Variants in DCAF11 observed in about 807,000 individuals in gnomAD.
DCAF11 encodes DDB1 and CUL4 associated factor 11.
A neutral mutation model predicts 76.1 loss-of-function variants in DCAF11; 44 were observed. The observed-to-expected ratio is 0.58, with a 90% CI of 0.45 to 0.74. The LOEUF (loss-of-function observed/expected upper bound fraction) is 0.74. DCAF11 is among the 30% of genes least tolerant of loss of function. DCAF11 has a pLI of 0.00. For synonymous variants in DCAF11, 258 were observed against 255.0 expected, an observed-to-expected ratio of 1.01 and a Z score of -0.11; for missense variants, 604 against 709.4, an observed-to-expected ratio of 0.85 and a Z score of 1.69.
chr14:24,119,575 C>G lies in DCAF11; in HGVS notation c.865C>G (p.Leu289Val). Reference sequence around the variant, plus strand: ...CCCTTTCAGGGCCAATGATGGCTGCCTGTATGTCTTTGACCGAGAACAGAA... The same window carrying G: ...CCCTTTCAGGGCCAATGATGGCTGCGTGTATGTCTTTGACCGAGAACAGAA... ...EVLGGANDGC[L>V]YVFDREQNRR... The change falls in exon 10 of 15, where the codon CTG becomes GTG. Residue 289 changes from leucine to valine, a missense_variant. Physicochemically the swap from Leu to Val is conservative, Grantham distance 32. Transcript: ENST00000446197. 1 of 1,614,224 alleles carries G rather than the reference C, an allele frequency of 6.2e-7. No individual in the cohort carries two copies. The highest frequency in any genetic ancestry group is 8.5e-7 in the Non-Finnish European group (1 of 1,180,050).
chr14:24,121,318 C>T, intron 12 of DCAF11, 47 bp from the exon 13 acceptor site: 2 of 1,611,164 alleles, frequency 1.2e-6, no homozygotes, highest in Non-Finnish European at 1.7e-6. Flanking sequence ...CGAAACAATC[C>T]CAAAGCAGAT....
Position 24,123,567 on chromosome 14 carries a change from G to GGA in DCAF11, c.*259_*260insAG. On this transcript the variant is annotated 3_prime_UTR_variant, in exon 15 of 15. Transcript: ENST00000446197. ...GCAGGACTGCCATTATCTGGGGTGT[G>GGA]GCCTCTGCCAGCAAGAGAAGTGTCC... 2.3e-6 allele frequency: 1 copy of GGA among 442,910 alleles called. No individual in the cohort carries two copies. The allele number at this position is 442,910 out of a possible 1,614,324, so 27.4% of individuals were successfully genotyped here.
rs2037617036 is a variant in DCAF11 at position 24,118,094 on chromosome 14, T to C, written c.516T>C (p.Ser172=). ...ATCTGGGCTTCACTGATAGCTACTC[T>C]CAGAAGGCTTTCTGTGGCATCTACA... ...PNDLGFTDSY[S]QKAFCGIYSK... The change falls in exon 6 of 15, where the codon TCT becomes TCC. Residue 172 remains serine (S), a synonymous_variant. Transcript: ENST00000446197. 1 of 1,612,774 alleles carries C rather than the reference T, an allele frequency of 6.2e-7. No individual in the cohort carries two copies. Among genetic ancestry groups the C allele is most frequent in the Non-Finnish European group, 8.5e-7 (1 of 1,179,666 alleles).
In DCAF11 at chr14:24,117,057, G is replaced by A; in HGVS notation, c.283+13G>A. The A allele has an allele frequency of 1.2e-6, 2 of 1,614,158 alleles. No individual in the cohort carries two copies. Among genetic ancestry groups the A allele is most frequent in the Non-Finnish European group, 1.7e-6 (2 of 1,180,012 alleles). On this transcript the variant is annotated intron_variant, in intron 3 of 14. Coordinates refer to ENST00000446197, the MANE Select transcript of DCAF11 (RefSeq NM_025230.5). The surrounding 1 kb of genome is among the most constrained non-coding windows in gnomAD (Gnocchi z 4.3). Reference sequence around the variant, plus strand: ...TACAACCCACCTGGTAAGAGGAAAAGCCCCTAATGTTGGAAGACTTTTACT... The same window carrying A: ...TACAACCCACCTGGTAAGAGGAAAAACCCCTAATGTTGGAAGACTTTTACT...
At position 24,117,815 on chromosome 14, in the gene DCAF11, G is replaced by A. The variant is rs1168097523; in HGVS notation, c.476+83G>A. On this transcript the variant is annotated intron_variant, in intron 5 of 14. Transcript: ENST00000446197. The surrounding 1 kb of genome is among the most constrained non-coding windows in gnomAD (Gnocchi z 4.3). The stretch of plus-strand genomic sequence containing the variant: ...CTTTGAAGGGGTAGGTGTTAAAGGA[G>A]CCTCAGAGATATTAAAGGTTAGGTT... The A allele has an allele frequency of 3.6e-6, 5 of 1,400,910 alleles. No individual in the cohort carries two copies. Among genetic ancestry groups the A allele is most frequent in the Non-Finnish European group, 4.9e-6 (5 of 1,010,722 alleles). 86.8% of individuals were successfully genotyped at this position (1,400,910 alleles called of 1,614,324 possible). A position where few individuals can be genotyped will look rare whatever the true frequency, so the allele number is the denominator to read the frequency against.
At chr14:24,118,910 T>C in intron 8 of DCAF11, 106 bp downstream of exon 8, 3 of 1,337,960 alleles carry the variant, frequency 2.2e-6, no homozygotes, top group Non-Finnish European at 3.2e-6. Context: ...AAAAGTATAC[T>C]GGTGGGTCTG....
At chr14:24,118,959 G>C (rs1280919153) in intron 8 of DCAF11, 155 bp downstream of exon 8, 1 of 1,128,040 alleles carries the variant, frequency 8.9e-7, no homozygotes, top group Non-Finnish European at 1.3e-6. Context: ...TTGTCAGCCA[G>C]AGGACTGGGT....
rs765034018 is a variant in DCAF11 at position 24,121,370 on chromosome 14, C to T, written c.1252C>T (p.Arg418Trp). 7.4e-6 allele frequency: 12 copies of T among 1,614,054 alleles called. No individual in the cohort carries two copies. Among genetic ancestry groups the T allele is most frequent in the African/African-American group, 4.0e-5 (3 of 74,924 alleles). Reference sequence around the variant, plus strand: ...TACTCTGCATCCCTACCCAGCCTGGCGGAAGCTGAAGCTCCCAGGGGACAG... The same window carrying T: ...TACTCTGCATCCCTACCCAGCCTGGTGGAAGCTGAAGCTCCCAGGGGACAG... The part of the protein sequence containing the change: ...RWQQVPKKAW[R>W]KLKLPGDSSL... Residue 418 changes from arginine (R) to tryptophan (W), a missense_variant, in exon 13 of 15, where the codon CGG (arginine) becomes TGG (tryptophan). Physicochemically the swap from Arg to Trp is moderately radical, Grantham distance 101. Transcript: ENST00000446197.
intron 13 of DCAF11, 86 bp downstream of exon 13, chr14:24,121,603 A>T: frequency 6.8e-7 from 1 of 1,477,352 alleles, no homozygotes; most frequent in Non-Finnish European, 9.2e-7. Context: ...TGACCACCTT[A>T]AAAAGCCCAG....
chr14:24,118,962 G>T, intron 8 of DCAF11, 158 bp downstream of exon 8: 1 of 1,127,948 alleles, frequency 8.9e-7, no homozygotes, highest in East Asian at 2.4e-5. Flanking sequence ...TCAGCCAGAG[G>T]ACTGGGTAAA....
At chr14:24,118,230 A>G in intron 6 of DCAF11, 75 bp downstream of exon 6, 1 of 1,562,992 alleles carries the variant, frequency 6.4e-7, no homozygotes, top group South Asian at 1.1e-5. Context: ...CTAGAAAGCC[A>G]CAGACGGGGA....
At chr14:24,118,926 A>C (rs1004264396) in intron 8 of DCAF11, 122 bp downstream of exon 8, 1 of 1,234,152 alleles carries the variant, frequency 8.1e-7, no homozygotes, top group Non-Finnish European at 1.2e-6. Flanking sequence ...GTCTGTGTGC[A>C]TTCCTGGGAG....
chr14:24,117,059 C>T lies in DCAF11; in HGVS notation c.283+15C>T, dbSNP rs2037593996. Reference sequence around the variant, plus strand: ...CAACCCACCTGGTAAGAGGAAAAGCCCCTAATGTTGGAAGACTTTTACTAG... The same window carrying T: ...CAACCCACCTGGTAAGAGGAAAAGCTCCTAATGTTGGAAGACTTTTACTAG... On this transcript the variant is annotated intron_variant, in intron 3 of 14. Transcript: ENST00000446197. The surrounding 1 kb of genome is among the most constrained non-coding windows in gnomAD (Gnocchi z 4.3). 1.9e-6 allele frequency: 3 copies of T among 1,613,856 alleles called. No homozygotes were observed. The highest frequency in any genetic ancestry group is 1.7e-5 in the Admixed American group (1 of 59,962).
chr14:24,119,648 T>G, intron 10 of DCAF11, 32 bp downstream of exon 10: 1 of 1,614,212 alleles, frequency 6.2e-7, no homozygotes, highest in Non-Finnish European at 8.5e-7. Flanking sequence ...CTCTGCCTCC[T>G]GGTTTTTGGC....
In DCAF11 at chr14:24,117,086, A is replaced by C. The variant is rs374124611; in HGVS notation, c.283+42A>C. 1.5e-5 allele frequency: 24 copies of C among 1,613,666 alleles called. No individual in the cohort carries two copies. Among genetic ancestry groups the C allele is most frequent in the Admixed American group, 1.7e-5 (1 of 59,898 alleles). On this transcript the variant is annotated intron_variant, in intron 3 of 14. Transcript: ENST00000446197. This position sits in a 1 kb window ranked among gnomAD's most constrained non-coding sequence, Gnocchi z 4.3. ...CTAATGTTGGAAGACTTTTACTAGA[A>C]AACCTTTTAGTGATATTTTGAATGA...
chr14:24,118,326 T>G (rs2139015268), intron 6 of DCAF11, 62 bp from the exon 7 acceptor site: 10 of 1,608,812 alleles, frequency 6.2e-6, no homozygotes, highest in Non-Finnish European at 7.6e-6. Context: ...GTGGGAGATG[T>G]CTAATCTAGA....
In DCAF11 at chr14:24,119,190, A is replaced by T. The variant is rs774152881; in HGVS notation, c.825A>T (p.Ser275=). 2.5e-6 allele frequency: 4 copies of T among 1,614,192 alleles called. No homozygotes were observed. The highest frequency in any genetic ancestry group is 3.4e-6 in the Non-Finnish European group (4 of 1,180,014). Residue 275 remains serine, a synonymous_variant, in exon 9 of 15, where the codon TCA becomes TCT. Coordinates refer to ENST00000446197, the MANE Select transcript of DCAF11 (RefSeq NM_025230.5). ...RFAVFSIAVS[S]DGREVLGGAN... ...CTGTCTTCTCCATTGCTGTCTCCTCAGATGGACGAGAAGTACTAGGAGGGT... is the reference window on the plus strand; with the variant it reads ...CTGTCTTCTCCATTGCTGTCTCCTCTGATGGACGAGAAGTACTAGGAGGGT...
rs1432069362 is a variant in DCAF11, at chr14:24,115,505, G to C, written c.-90G>C. ...TACTACCCCGTCTCAGGAGACCCTG[G>C]TATTTCTAGAGCACGCTTTGCTTTC... On this transcript the variant is annotated 5_prime_UTR_variant, in exon 2 of 15. Coordinates refer to ENST00000446197, the MANE Select transcript of DCAF11 (RefSeq NM_025230.5). 1 of 1,508,684 alleles carries C rather than the reference G, an allele frequency of 6.6e-7. No individual in the cohort carries two copies. The highest frequency in any genetic ancestry group is 1.4e-5 in the African/African-American group (1 of 71,596). 93.5% of individuals were successfully genotyped at this position (1,508,684 alleles called of 1,614,324 possible).
chr14:24,121,313 CA>C (rs748228385), intron 12 of DCAF11, 51 bp from the exon 13 acceptor site: 120 of 1,609,098 alleles, frequency 7.5e-5, no homozygotes, highest in Non-Finnish European at 9.7e-5. Context: ...TGGTACGAAA[CA>C]ATCCCAAAGC....
Sources: gnomAD v4.1 joint callset for allele counts on GRCh38, gnomAD v4.1.1 for gene constraint, Gnocchi (gnomAD v3.1) non-coding constraint, MANE v1.5 for transcripts, NCBI Gene and HGNC (gene_info 2026-07-23, HGNC 2026-07-21) for gene names.